The following DNAH1 variants were observed in gnomAD, a reference collection of about 807,000 sequenced individuals.
DNAH1 encodes dynein axonemal heavy chain 1.
Under a neutral mutation model 484.3 loss-of-function variants are expected in DNAH1, and 327 were observed. That is an observed-to-expected ratio of 0.68 (90% CI 0.62 to 0.74). The LOEUF (loss-of-function observed/expected upper bound fraction) is 0.74. Among genes scored for constraint, DNAH1 ranks in the 30% least tolerant of loss-of-function variants. DNAH1 has a pLI of 0.00. For synonymous variants in DNAH1, 2,192 were observed against 2,191.9 expected, an observed-to-expected ratio of 1.00 and a Z score of 0.00; for missense variants, 5,052 against 5,546.8, an observed-to-expected ratio of 0.91 and a Z score of 2.83.
chr3:52,332,335 G>C lies in DNAH1; in HGVS notation c.1227G>C (p.Gln409His), dbSNP rs952135979. The C allele has an allele frequency of 4.3e-6, 7 of 1,613,938 alleles. No individual in the cohort carries two copies. Among genetic ancestry groups the C allele is most frequent in the African/African-American group, 2.7e-5 (2 of 74,950 alleles). The change falls in exon 8 of 78, where the codon CAG (glutamine) becomes CAC (histidine). Residue 409 changes from glutamine (Q) to histidine (H), a missense_variant. Physicochemically the swap from Gln to His is conservative, Grantham distance 24. This residue lies in a region of DNAH1 where 1,263 missense variants were observed against 1,218.8 expected (regional missense o/e 1.04). Transcript: ENST00000420323. ...PSDGQHVISE[Q>H]SLSKIKQWAL... The stretch of plus-strand genomic sequence containing the variant: ...ACGGCCAGCATGTCATCAGTGAACA[G>C]AGCCTGAGCAAGATCAAGCAGTGGG...
At position 52,352,702 on chromosome 3, in the gene DNAH1, A is replaced by G; in HGVS notation, c.3022A>G (p.Thr1008Ala). ...CGAGCGCATCTTCAGCTTGCCCATC[A>G]CCAATGTAGGCCTCCTGCAGGCACC... ...NRERIFSLPI[T>A]NYDKLSRMVK... is the part of the protein sequence containing the mutation. The change falls in exon 18 of 78, where the codon ACC becomes GCC. Residue 1008 changes from threonine to alanine, a missense_variant. Physicochemically the swap from Thr to Ala is moderately conservative, Grantham distance 58 (BLOSUM62 0). Around this residue, in one of 4 missense-constraint regions of DNAH1, gnomAD observed 2,929 missense variants for 3,409.4 expected, o/e 0.86. Transcript: ENST00000420323. 1.2e-6 allele frequency: 2 copies of G among 1,610,434 alleles called. No homozygotes were observed. The highest frequency in any genetic ancestry group is 1.7e-6 in the Non-Finnish European group (2 of 1,177,864).
At position 52,364,883 on chromosome 3, in the gene DNAH1, G is replaced by T; in HGVS notation, c.5382G>T (p.Leu1794=). ...AIRDVNVPKF[L]QEDLKLFSGI... is the part of the protein sequence containing the mutation. The stretch of plus-strand genomic sequence containing the variant: ...GTGATGTGAACGTGCCCAAGTTCCT[G>T]CAGGAGGACCTCAAGCTCTTCTCTG... Residue 1794 remains leucine, a synonymous_variant, in exon 34 of 78, where the codon CTG becomes CTT. Coordinates refer to ENST00000420323, the MANE Select transcript of DNAH1 (RefSeq NM_015512.5). The surrounding 1 kb of genome is among the most constrained non-coding windows in gnomAD (Gnocchi z 4.2). 4 of 1,613,994 alleles carry T rather than the reference G, an allele frequency of 2.5e-6. No homozygotes were observed. The highest frequency in any genetic ancestry group is 3.4e-6 in the Non-Finnish European group (4 of 1,179,864).
intron 44 of DNAH1, chr3:52,374,238 T>C: frequency 7.0e-7 from 1 of 1,437,224 alleles, no homozygotes; most frequent in Non-Finnish European, 9.8e-7. Context: ...TTACTGGAAA[T>C]ATTGGGAAGT....
intron 41 of DNAH1, 112 bp downstream of exon 41, chr3:52,370,937 C>T (rs1386248274): frequency 3.0e-6 from 3 of 1,007,830 alleles, no homozygotes; most frequent in Non-Finnish European, 4.5e-6. Flanking sequence ...GCCACCAGGT[C>T]TCAGGCAGCG....
Position 52,344,552 on chromosome 3 carries a change from A to G in DNAH1, c.1349A>G (p.Asn450Ser). ...EVSLDYERSM[N>S]KINFDHVVSS... ...AGCCTGGACTATGAGCGCAGCATGAACAAGATCAACTTTGACCACGTTGTC... is the reference window on the plus strand; with the variant it reads ...AGCCTGGACTATGAGCGCAGCATGAGCAAGATCAACTTTGACCACGTTGTC... The change falls in exon 9 of 78, where the codon AAC becomes AGC. Residue 450 changes from asparagine (N) to serine (S), a missense_variant. Coordinates refer to ENST00000420323, the MANE Select transcript of DNAH1 (RefSeq NM_015512.5). 1 of 1,614,020 alleles carries G rather than the reference A, an allele frequency of 6.2e-7. No individual in the cohort carries two copies. Among genetic ancestry groups the G allele is most frequent in the Non-Finnish European group, 8.5e-7 (1 of 1,179,870 alleles).
intron 8 of DNAH1, among the ~76,000 whole-genome samples, chr3:52,341,590 G>T (rs1372132808): frequency 6.8e-6 from 1 of 146,286 alleles, no homozygotes; most frequent in African/African-American, 2.6e-5. Context: ...AGGCTAGAGT[G>T]CAGTGGAGCA....
At chr3:52,312,404 G>C (rs1375152773), upstream of DNAH1, among the ~76,000 whole-genome samples, 1 of 151,956 alleles carries the variant, frequency 6.6e-6, no homozygotes, top group Admixed American at 6.6e-5. Context: ...CTTAGGTTTG[G>C]AGATGACATT....
chr3:52,331,372 A>G (rs1192770150), intron 7 of DNAH1, 63 bp downstream of exon 7: 1 of 1,534,564 alleles, frequency 6.5e-7, no homozygotes, highest in East Asian at 2.4e-5. Flanking sequence ...CCTGTGACTG[A>G]GGCCAACTCC....
chr3:52,387,553 A>G (rs1410762642), intron 56 of DNAH1, among the ~76,000 whole-genome samples: 1 of 151,996 alleles, frequency 6.6e-6, no homozygotes, highest in African/African-American at 2.4e-5. Flanking sequence ...GGGCTACCCC[A>G]TTCCTCCTTC....
At chr3:52,388,764 G>A (rs1313488310) in intron 58 of DNAH1, 42 bp from the exon 59 acceptor site, 1 of 1,610,188 alleles carries the variant, frequency 6.2e-7, no homozygotes, top group Admixed American at 1.7e-5. Flanking sequence ...CAGGCCCCTA[G>A]CCCAGCCTCC....
intron 73 of DNAH1, among the ~76,000 whole-genome samples, 159 bp downstream of exon 73, chr3:52,397,203 G>A (rs1704676181): frequency 6.6e-6 from 1 of 152,178 alleles, no homozygotes; most frequent in African/African-American, 2.4e-5. Context: ...AGACAGCCTT[G>A]GCGAGGGAGT....
At chr3:52,326,538 A>C (rs1701351933) in intron 4 of DNAH1, among the ~76,000 whole-genome samples, 197 bp from the exon 5 acceptor site, 3 of 152,136 alleles carry the variant, frequency 2.0e-5, no homozygotes, top group Admixed American at 6.5e-5. Flanking sequence ...GGGGCGGGAC[A>C]GAAGGGCAGT....
In DNAH1 at chr3:52,322,639, C is replaced by T. The variant is rs182751106; in HGVS notation, c.197C>T (p.Pro66Leu). Reference protein sequence around the residue: ...DPKLPHLPLPPAPPTLSDLGQ... With the variant: ...DPKLPHLPLPLAPPTLSDLGQ... ...AAGCTCCCACATTTACCCCTGCCCCCGGCCCCACCCACACTCTCAGACTTG... is the reference window on the plus strand; with the variant it reads ...AAGCTCCCACATTTACCCCTGCCCCTGGCCCCACCCACACTCTCAGACTTG... Residue 66 changes from proline to leucine, a missense_variant, in exon 2 of 78, where the codon CCG (proline) becomes CTG (leucine). Physicochemically the swap from Pro to Leu is moderately conservative, Grantham distance 98. Around this residue, in one of 4 missense-constraint regions of DNAH1, gnomAD observed 1,263 missense variants for 1,218.8 expected, o/e 1.04. Coordinates refer to ENST00000420323, the MANE Select transcript of DNAH1 (RefSeq NM_015512.5). 7.8e-5 allele frequency: 126 copies of T among 1,613,706 alleles called. No individual in the cohort carries two copies. In the East Asian group the frequency reaches 1.8e-3, roughly 23 times the overall value.
Position 52,355,763 on chromosome 3 carries a change from A to G in DNAH1, c.3693+708A>G, listed in dbSNP as rs936004122. Among the ~76,000 whole-genome samples, 8 of 152,138 alleles carry G rather than the reference A, an allele frequency of 5.3e-5. No individual in the cohort carries two copies. Among genetic ancestry groups the G allele is most frequent in the African/African-American group, 1.7e-4 (7 of 41,414 alleles). ...CCCCTCTGCTCACGCTGTCCACTCG[A>G]CCTGGAGTTTGACACCCGCCTTCCA... is the stretch of plus-strand genomic sequence containing the variant. On this transcript the variant is annotated intron_variant, in intron 21 of 77. Coordinates refer to ENST00000420323, the MANE Select transcript of DNAH1 (RefSeq NM_015512.5). The surrounding 1 kb of genome is among the most constrained non-coding windows in gnomAD (Gnocchi z 4.5).
In DNAH1 at chr3:52,395,761, T is replaced by C. The variant is rs1048531407; in HGVS notation, c.11259+83T>C. 5 of 1,530,182 alleles carry C rather than the reference T, an allele frequency of 3.3e-6. No homozygotes were observed. The highest frequency in any genetic ancestry group is 4.4e-6 in the Non-Finnish European group (5 of 1,131,196). 94.8% of individuals were successfully genotyped at this position (1,530,182 alleles called of 1,614,324 possible). Reference sequence around the variant, plus strand: ...TAATGAGGCAGAAATAAGAGAATCATGCCAAGCACTCTGCCCAGCCTCTAG... The same window carrying C: ...TAATGAGGCAGAAATAAGAGAATCACGCCAAGCACTCTGCCCAGCCTCTAG... On this transcript the variant is annotated intron_variant, in intron 70 of 77. Coordinates refer to ENST00000420323, the MANE Select transcript of DNAH1 (RefSeq NM_015512.5). The surrounding 1 kb of genome is among the most constrained non-coding windows in gnomAD (Gnocchi z 4.4).
In DNAH1 at chr3:52,389,497, A is replaced by T; in HGVS notation, c.9532A>T (p.Lys3178Ter). The T allele has an allele frequency of 6.2e-7, 1 of 1,605,348 alleles. No homozygotes were observed. The highest frequency in any genetic ancestry group is 1.3e-5 in the African/African-American group (1 of 74,906). ...CACGGTGCTCTACGACAGCTGGGTC[A>T]AGCAGCTCAGGAGCCACAATGTCCC... Reference protein sequence around the residue: ...YRTVLYDSWVKQLRSHNVPHT... With the variant: ...YRTVLYDSWV Residue 3178 changes from lysine to a stop codon, truncating the protein, a stop_gained, in exon 60 of 78, where the codon AAG becomes TAG. Transcript: ENST00000420323. LOFTEE classifies it high-confidence loss of function.
At position 52,364,452 on chromosome 3, in the gene DNAH1, C is replaced by T. The variant is rs1031083257; in HGVS notation, c.5245-186C>T. Among the ~76,000 whole-genome samples, 13 of 152,160 alleles carry T rather than the reference C, an allele frequency of 8.5e-5. No homozygotes were observed. The highest frequency in any genetic ancestry group is 2.1e-4 in the South Asian group (1 of 4,832). ...ATCGGGACAGTAAAGTGCAGGGTGC[C>T]CGGGGAGCCCAAAGAAGGTGCACCT... On this transcript the variant is annotated intron_variant, in intron 32 of 77. Transcript: ENST00000420323. The surrounding 1 kb of genome is among the most constrained non-coding windows in gnomAD (Gnocchi z 4.2).
chr3:52,384,203 GC>G (rs1270858185), intron 52 of DNAH1, among the ~76,000 whole-genome samples, 172 bp downstream of exon 52: 1 of 152,220 alleles, frequency 6.6e-6, no homozygotes, highest in Admixed American at 6.5e-5. Context: ...AATGCGCAGA[GC>G]CACAGGTCAT....
chr3:52,331,050 A>AT, intron 6 of DNAH1, 98 bp from the exon 7 acceptor site: 1 of 1,393,350 alleles, frequency 7.2e-7, no homozygotes, highest in Non-Finnish European at 9.6e-7. Context: ...CAGACTGGTG[A>AT]TCTCTGAGAC....
Sources: allele counts gnomAD v4.1 joint callset (sites outside exome capture counted in the v4.1 genomes callset), GRCh38; gene constraint gnomAD v4.1.1; regional missense constraint gnomAD v4.1.1; non-coding constraint Gnocchi (gnomAD v3.1); transcripts MANE v1.5; gene names NCBI Gene and HGNC (gene_info 2026-07-23, HGNC 2026-07-21).